F13A1: variants seen among roughly 807,000 people sequenced by gnomAD.
The protein encoded by F13A1 is FSF, A subunit.
F13A1 carries 47 observed loss-of-function variants against 80.1 expected under a neutral mutation model. That is an observed-to-expected ratio of 0.59 (90% confidence interval 0.46 to 0.75). F13A1 has a LOEUF of 0.75. Among genes scored for constraint, F13A1 ranks in the 30% least tolerant of loss-of-function variants. The probability of loss-of-function intolerance (pLI) is 0.00; values close to 1 mark genes in which losing one functional copy is unlikely to be tolerated. For missense variants in F13A1, 817 were observed against 930.4 expected (o/e 0.88, Z 1.59); for synonymous variants, 349 against 344.9 (o/e 1.01, Z -0.13).
intron 13 of F13A1, among the ~76,000 whole-genome samples, chr6:6,163,842 G>C (rs9405902): frequency 6.6e-6 from 1 of 152,102 alleles, no homozygotes; most frequent in African/African-American, 2.4e-5. Context: ...TAATGGGATT[G>C]CTGGGTCAAA....
At chr6:6,171,938 G>T (rs906536090) in intron 12 of F13A1, among the ~76,000 whole-genome samples, 3 of 151,860 alleles carry the variant, frequency 2.0e-5, no homozygotes, top group African/African-American at 7.3e-5. Context: ...ATTAGAGAGG[G>T]TTTTTTTTCT....
chr6:6,252,053 T>TA (rs899218923), intron 4 of F13A1, among the ~76,000 whole-genome samples: 12 of 151,418 alleles, frequency 7.9e-5, no homozygotes, highest in Non-Finnish European at 1.0e-4. Context: ...CCACAGTGGT[T>TA]AAAAAAAAAT....
At chr6:6,225,487 TTTTTC>T (rs944194764) in intron 6 of F13A1, among the ~76,000 whole-genome samples, 5 of 151,968 alleles carry the variant, frequency 3.3e-5, no homozygotes, top group African/African-American at 7.3e-5. Context: ...TTTTGTTTCT[TTTTTC>T]TTTTCTTTTC....
In F13A1 at chr6:6,237,185, A is replaced by C. The variant is rs534840753; in HGVS notation, c.798+11127T>G. Among the ~76,000 whole-genome samples the C allele has an allele frequency of 8.5e-5, 13 of 152,288 alleles. 1 individual carries two copies. In the East Asian group the frequency reaches 1.4e-3, roughly 16 times the overall value. On this transcript the variant is annotated intron_variant, in intron 6 of 14. Transcript: ENST00000264870. ...TAAAAAATAAAATTTAAAAGGTCAC[A>C]GTTCTGGGAATGTAGAGATCTGTTT...
intron 12 of F13A1, among the ~76,000 whole-genome samples, chr6:6,170,612 A>C (rs1276384469): frequency 6.6e-6 from 1 of 152,212 alleles, no homozygotes; most frequent in East Asian, 1.9e-4. Flanking sequence ...CTCTTTTCCA[A>C]AAAGCAAAGA....
At chr6:6,293,532 C>T (rs1423460092) in intron 3 of F13A1, among the ~76,000 whole-genome samples, 1 of 151,848 alleles carries the variant, frequency 6.6e-6, no homozygotes, top group Non-Finnish European at 1.5e-5. Flanking sequence ...CCACCTAACA[C>T]AGAGATAGCT....
intron 3 of F13A1, among the ~76,000 whole-genome samples, chr6:6,278,706 G>A (rs1371343172): frequency 6.6e-6 from 1 of 151,962 alleles, no homozygotes; most frequent in East Asian, 1.9e-4. Context: ...ATTGTGGGAG[G>A]TGACAGTGCC....
intron 10 of F13A1, among the ~76,000 whole-genome samples, chr6:6,191,652 G>A (rs898172783): frequency 1.3e-5 from 2 of 152,208 alleles, no homozygotes; most frequent in Admixed American, 6.5e-5. Flanking sequence ...TCACCACTGA[G>A]GCTAGAGACG....
intron 6 of F13A1, among the ~76,000 whole-genome samples, chr6:6,228,639 C>T (rs914550252): frequency 4.8e-5 from 7 of 144,496 alleles, no homozygotes; most frequent in African/African-American, 1.8e-4. Flanking sequence ...GAGGCTGAGG[C>T]AGGAGAATCG....
intron 6 of F13A1, among the ~76,000 whole-genome samples, chr6:6,232,339 A>C (rs1757364066): frequency 1.3e-5 from 2 of 152,208 alleles, no homozygotes; most frequent in African/African-American, 4.8e-5. Context: ...AAGCAACAGC[A>C]GTTAAAAGAG....
intron 3 of F13A1, among the ~76,000 whole-genome samples, chr6:6,279,437 C>T (rs1467989087): frequency 2.6e-5 from 4 of 152,170 alleles, no homozygotes; most frequent in African/African-American, 4.8e-5. Context: ...AACTGTTATG[C>T]AATTCTTTCA....
chr6:6,285,623 TA>T (rs1758126467), intron 3 of F13A1, among the ~76,000 whole-genome samples: 1 of 152,022 alleles, frequency 6.6e-6, no homozygotes, highest in Non-Finnish European at 1.5e-5. Flanking sequence ...AACAAATGAG[TA>T]AATACCTATG....
At chr6:6,306,391 C>T (rs934072806) in intron 2 of F13A1, among the ~76,000 whole-genome samples, 4 of 152,188 alleles carry the variant, frequency 2.6e-5, no homozygotes, top group African/African-American at 9.7e-5. Context: ...AGAATGGAGA[C>T]ACTAATATTC....
Position 6,172,969 on chromosome 6 carries a change from G to A in F13A1, c.1747+1611C>T, listed in dbSNP as rs182849127. Reference sequence around the variant, plus strand: ...GACTTGTGGCTTGACCATCCCAGGGGAGCGTATTAGTTTTGCTTGCCTTTG... The same window carrying A: ...GACTTGTGGCTTGACCATCCCAGGGAAGCGTATTAGTTTTGCTTGCCTTTG... On this transcript the variant is annotated intron_variant, in intron 12 of 14. Transcript: ENST00000264870. Among the ~76,000 whole-genome samples, 649 of 152,308 alleles carry A rather than the reference G, an allele frequency of 4.3e-3. 1 individual carries two copies. Among genetic ancestry groups the A allele is most frequent in the Non-Finnish European group, 6.9e-3 (470 of 68,024 alleles).
chr6:6,222,575 C>T (rs1025743557), intron 7 of F13A1, among the ~76,000 whole-genome samples: 2 of 152,224 alleles, frequency 1.3e-5, no homozygotes, highest in African/African-American at 4.8e-5. Flanking sequence ...GTGGAATTTG[C>T]TGTCTTGGCC....
intron 2 of F13A1, among the ~76,000 whole-genome samples, chr6:6,314,521 T>A (rs141682966): frequency 3.9e-4 from 59 of 152,268 alleles, no homozygotes; most frequent in African/African-American, 1.4e-3. Context: ...GGAACACTCA[T>A]ACTCATCCTC....
At chr6:6,308,987 G>T (rs538804578) in intron 2 of F13A1, among the ~76,000 whole-genome samples, 1 of 152,126 alleles carries the variant, frequency 6.6e-6, no homozygotes, top group East Asian at 1.9e-4. Flanking sequence ...ATTTATTTGT[G>T]CAATTGTTTT....
intron 4 of F13A1, among the ~76,000 whole-genome samples, chr6:6,264,031 A>G (rs1348127426): frequency 6.6e-6 from 1 of 152,180 alleles, no homozygotes; most frequent in African/African-American, 2.4e-5. Context: ...CAGCCTCTAG[A>G]ACAAGAACGC....
At chr6:6,313,904 C>T (rs1674049) in intron 2 of F13A1, among the ~76,000 whole-genome samples, 111,022 of 151,710 alleles carry the variant, frequency 0.73, 41,020 homozygotes, top group East Asian at 0.86. Flanking sequence ...GGGGCTAAAA[C>T]CCCTCTGGTC....
Sources: allele counts gnomAD v4.1 joint callset (sites outside exome capture counted in the v4.1 genomes callset), GRCh38; gene constraint gnomAD v4.1.1; transcripts MANE v1.5; gene names NCBI Gene and HGNC (gene_info 2026-07-23, HGNC 2026-07-21).